Variants in MTSS2 observed in about 807,000 individuals in gnomAD.
MTSS2 encodes MTSS I-BAR domain containing 2, also known as protein MTSS 2.
In MTSS2, 27 loss-of-function variants were observed where a neutral mutation model predicts 67.1. That is an observed-to-expected ratio of 0.40 (90% CI 0.30 to 0.55). The LOEUF is 0.55. Ranked by LOEUF, MTSS2 falls within the 20% of genes least tolerant of loss-of-function variation. MTSS2 has a pLI of 0.43. For synonymous variants in MTSS2, 624 were observed against 468.6 expected, an observed-to-expected ratio of 1.33 and a Z score of -4.28; for missense variants, 1,171 against 1,067.8, an observed-to-expected ratio of 1.10 and a Z score of -1.35.
chr16:70,685,165 C>T (rs2053412594), intron 1 of MTSS2, among the ~76,000 whole-genome samples: 1 of 139,132 alleles, frequency 7.2e-6, no homozygotes, highest in African/African-American at 2.6e-5. Flanking sequence ...GACATTCAGC[C>T]TGGAGACCTT....
Position 70,664,007 on chromosome 16 carries a change from G to A in MTSS2, c.1914C>T (p.Leu638=), listed in dbSNP as rs2151904556. ...TGCCCCAGGCTGTGTTGGGCAGGCT[G>A]AGCCTCTTTGGGGAGGCCTTGGCGA... ...PDLAKASPKR[L]SLPNTAWGSP... is the part of the protein sequence containing the mutation. The change falls in exon 15 of 15, where the codon CTC becomes CTT. Residue 638 remains leucine, a synonymous_variant. Transcript: ENST00000338779. 9 of 1,601,122 alleles carry A rather than the reference G, an allele frequency of 5.6e-6. No individual in the cohort carries two copies. Among genetic ancestry groups the A allele is most frequent in the Admixed American group, 3.4e-5 (2 of 58,432 alleles).
chr16:70,668,405 C>CAAA (rs36009172), intron 11 of MTSS2, among the ~76,000 whole-genome samples: 119 of 141,000 alleles, frequency 8.4e-4, no homozygotes, highest in South Asian at 2.3e-3. Flanking sequence ...GAGACTGTAT[C>CAAA]AAAAAAAAAA....
intron 1 of MTSS2, 120 bp downstream of exon 1, chr16:70,685,603 G>T: frequency 1.9e-6 from 1 of 518,058 alleles, no homozygotes; most frequent in Non-Finnish European, 2.6e-6. Context: ...GACGCGCTCA[G>T]ACAAGGACAC....
intron 11 of MTSS2, 100 bp downstream of exon 11, chr16:70,674,205 TA>T: frequency 5.6e-6 from 1 of 177,252 alleles, no homozygotes; most frequent in Non-Finnish European, 9.4e-6. Context: ...TCAACAGCTA[TA>T]GTAGTCTCAA....
intron 1 of MTSS2, among the ~76,000 whole-genome samples, chr16:70,685,288 T>A (rs2053417437): frequency 6.6e-6 from 1 of 152,014 alleles, no homozygotes; most frequent in African/African-American, 2.4e-5. Context: ...GTTCTCCGCT[T>A]TATTATTTTT....
chr16:70,684,201 G>C (rs558604840), intron 1 of MTSS2, among the ~76,000 whole-genome samples: 2 of 152,314 alleles, frequency 1.3e-5, no homozygotes, highest in East Asian at 1.9e-4. Flanking sequence ...TCCGGAGCCA[G>C]CTCTGGGATC....
Position 70,664,381 on chromosome 16 carries a change from A to G in MTSS2, c.1540T>C (p.Ser514Pro), listed in dbSNP as rs547611074. Residue 514 changes from serine (S) to proline (P), a missense_variant, in exon 15 of 15, where the codon TCA (serine) becomes CCA (proline). Ser to Pro is a moderately conservative substitution (Grantham distance 74, BLOSUM62 -1). Around this residue, in one of 2 missense-constraint regions of MTSS2, gnomAD observed 924 missense variants for 756.0 expected, o/e 1.22. Transcript: ENST00000338779. Reference sequence around the variant, plus strand: ...TTGCTGTTGCGCGGGATGGTGGATGACTTGTCAAACTCGGGCGGGCCCTCG... The same window carrying G: ...TTGCTGTTGCGCGGGATGGTGGATGGCTTGTCAAACTCGGGCGGGCCCTCG... ...DSEGPPEFDK[S>P]STIPRNSNIA... 1.9e-6 allele frequency: 3 copies of G among 1,576,772 alleles called. No homozygotes were observed. In the Admixed American group the frequency reaches 5.7e-5, roughly 30 times the overall value.
intron 11 of MTSS2, 29 bp downstream of exon 11, chr16:70,674,277 C>A: frequency 6.2e-7 from 1 of 1,602,216 alleles, no homozygotes; most frequent in Non-Finnish European, 8.5e-7. Flanking sequence ...TGCACCCCAC[C>A]CTGACTGATC....
intron 11 of MTSS2, among the ~76,000 whole-genome samples, chr16:70,666,198 G>C (rs1426416998): frequency 3.3e-5 from 5 of 152,200 alleles, no homozygotes; most frequent in East Asian, 3.9e-4. Context: ...GCGGAGAAGG[G>C]GGGCAGCTGT....
rs2052590975 is a variant in MTSS2, at chr16:70,663,959, C to T, written c.1962G>A (p.Gly654=). The change falls in exon 15 of 15, where the codon GGG becomes GGA. Residue 654 remains glycine, a synonymous_variant. Transcript: ENST00000338779. Reference sequence around the variant, plus strand: ...CGTCCTCGGCCCCTGCCCCGGGGTACCCGGCTGCCTCTGGGGATGGGCTGC... The same window carrying T: ...CGTCCTCGGCCCCTGCCCCGGGGTATCCGGCTGCCTCTGGGGATGGGCTGC... The part of the protein sequence containing the change: ...AWGSPSPEAA[G]YPGAGAEDEQ... 1.3e-6 allele frequency: 2 copies of T among 1,565,834 alleles called. No homozygotes were observed. Among genetic ancestry groups the T allele is most frequent in the Non-Finnish European group, 1.7e-6 (2 of 1,157,480 alleles).
intron 12 of MTSS2, 182 bp from the exon 13 acceptor site, chr16:70,665,278 G>T (rs1045327904): frequency 1.4e-5 from 13 of 918,042 alleles, no homozygotes; most frequent in Non-Finnish European, 1.9e-5. Context: ...AGGCCCAGGG[G>T]TAAGATGTGG....
chr16:70,669,928 A>G (rs2052868651), intron 11 of MTSS2, among the ~76,000 whole-genome samples: 1 of 152,144 alleles, frequency 6.6e-6, no homozygotes, highest in African/African-American at 2.4e-5. Flanking sequence ...CTAAAATGAA[A>G]TCAATATAAA....
intron 11 of MTSS2, among the ~76,000 whole-genome samples, chr16:70,666,491 C>T (rs373190445): frequency 6.6e-6 from 1 of 152,354 alleles, no homozygotes; most frequent in East Asian, 1.9e-4. Flanking sequence ...ACGCCAGCTT[C>T]AGCACAGCAG....
intron 3 of MTSS2, among the ~76,000 whole-genome samples, 195 bp from the exon 4 acceptor site, chr16:70,680,250 G>T (rs1597825844): frequency 6.6e-6 from 1 of 152,042 alleles, no homozygotes; most frequent in Non-Finnish European, 1.5e-5. Context: ...CGCCATCCCA[G>T]CCGCGCCAGC....
chr16:70,674,241 C>A (rs1403024287), intron 11 of MTSS2, 65 bp downstream of exon 11: 22 of 1,480,064 alleles, frequency 1.5e-5, no homozygotes, highest in Non-Finnish European at 2.0e-5. Context: ...CCGCATGTGG[C>A]TTGCCTGATG....
Position 70,661,630 on chromosome 16 carries a change from C to CG in MTSS2, c.*2046dup. The CG allele has an allele frequency of 6.0e-6, 2 of 336,048 alleles. No individual in the cohort carries two copies. Among genetic ancestry groups the CG allele is most frequent in the Non-Finnish European group, 1.2e-5 (2 of 172,706 alleles). 20.8% of individuals were successfully genotyped at this position (336,048 alleles called of 1,614,324 possible). A position where few individuals can be genotyped will look rare whatever the true frequency, so the allele number is the denominator to read the frequency against. On this transcript the variant is annotated 3_prime_UTR_variant, in exon 15 of 15. Coordinates refer to ENST00000338779, the MANE Select transcript of MTSS2 (RefSeq NM_138383.3). ...GCCTATGAGGTGGTTGCTAAGTCGA[C>CG]GCAAGGGCGGCGGGGGTGGTCTCAG...
At chr16:70,665,352 G>T (rs1024651953) in intron 12 of MTSS2, 114 bp downstream of exon 12, 7 of 1,159,986 alleles carry the variant, frequency 6.0e-6, no homozygotes, top group Middle Eastern at 2.8e-4. Flanking sequence ...GGTGCTGTGT[G>T]CACGCACCCC....
chr16:70,669,918 C>T (rs1243237525), intron 11 of MTSS2, among the ~76,000 whole-genome samples: 3 of 151,900 alleles, frequency 2.0e-5, no homozygotes, highest in African/African-American at 4.8e-5. Context: ...ACTAGAATGG[C>T]TAAAATGAAA....
chr16:70,664,946 T>C lies in MTSS2; in HGVS notation c.1279A>G (p.Met427Val). The change falls in exon 13 of 15, where the codon ATG (methionine) becomes GTG (valine). Residue 427 changes from methionine (M) to valine (V), a missense_variant. By Grantham distance (21) the Met-to-Val change is conservative (BLOSUM62 1). Transcript: ENST00000338779. The part of the protein sequence containing the change: ...PSGEEAPRPR[M>V]SPATIAAKHG... ...TTGGCTGCGATGGTGGCAGGGGACATCCGGGGTCGCGGTGCCTCTTCCCCG... is the reference window on the plus strand; with the variant it reads ...TTGGCTGCGATGGTGGCAGGGGACACCCGGGGTCGCGGTGCCTCTTCCCCG... 6.4e-7 allele frequency: 1 copy of C among 1,560,326 alleles called. No homozygotes were observed. Among genetic ancestry groups the C allele is most frequent in the East Asian group, 2.3e-5 (1 of 43,120 alleles).
Sources: gnomAD v4.1 joint callset for allele counts (sites outside exome capture counted in the v4.1 genomes callset) on GRCh38, gnomAD v4.1.1 for gene constraint, gnomAD v4.1.1 regional missense constraint, MANE v1.5 for transcripts, NCBI Gene and HGNC (gene_info 2026-07-23, HGNC 2026-07-21) for gene names.